Variants in MCM4 observed in about 807,000 individuals in gnomAD.
MCM4 encodes minichromosome maintenance complex component 4, also known as DNA replication licensing factor MCM4.
In MCM4, 60 loss-of-function variants were observed where a neutral mutation model predicts 88.7. The observed-to-expected ratio is 0.68, with a 90% CI of 0.55 to 0.84. MCM4 has a LOEUF of 0.84. Ranked by LOEUF, MCM4 falls within the 40% of genes least tolerant of loss-of-function variation. The pLI is 0.00. For missense variants in MCM4, 1,149 were observed against 1,105.5 expected (o/e 1.04, Z -0.56); for synonymous variants, 465 against 410.5 (o/e 1.13, Z -1.61).
chr8:47,970,731 A>G lies in MCM4; in HGVS notation c.1655A>G (p.Glu552Gly). ...GLTAYVMKDP[E>G]TRQLVLQTGA... is the part of the protein sequence containing the mutation. ...ACTGCGTACGTAATGAAAGACCCTG[A>G]GACAAGGCAGCTGGTCCTGCAGACA... Residue 552 changes from glutamate (E) to glycine (G), a missense_variant, in exon 12 of 17, where the codon GAG (glutamate) becomes GGG (glycine). By Grantham distance (98) the Glu-to-Gly change is moderately conservative (BLOSUM62 -2). Coordinates refer to ENST00000649973, the MANE Select transcript of MCM4 (RefSeq NM_182746.3). 1.2e-6 allele frequency: 2 copies of G among 1,614,214 alleles called. 1 individual carries two copies. The highest frequency in any genetic ancestry group is 2.2e-5 in the South Asian group (2 of 91,084).
chr8:47,972,297 A>AGTC (rs1372469733), intron 13 of MCM4, among the ~76,000 whole-genome samples: 1 of 151,326 alleles, frequency 6.6e-6, no homozygotes. Context: ...TCCCTAAGGG[A>AGTC]AGACTTCCTT....
intron 8 of MCM4, among the ~76,000 whole-genome samples, chr8:47,965,902 G>A (rs542119795): frequency 3.9e-5 from 6 of 152,288 alleles, no homozygotes; most frequent in African/African-American, 1.4e-4. Context: ...TCCTGACACA[G>A]CAGGGTGTCA....
intron 3 of MCM4, 117 bp downstream of exon 3, chr8:47,961,797 T>A (rs1370487012): frequency 1.2e-5 from 15 of 1,299,556 alleles, no homozygotes; most frequent in Non-Finnish European, 1.6e-5. Flanking sequence ...CCTCTGCACG[T>A]GACTGAGCAT....
chr8:47,974,166 TAACTGAGCTCC>T (rs1340804910), intron 14 of MCM4: 1 of 153,066 alleles, frequency 6.5e-6, no homozygotes, highest in East Asian at 1.9e-4. Context: ...CTTTGCATCC[TAACTGAGCTCC>T]TAAAAATTCT....
intron 11 of MCM4, 51 bp downstream of exon 11, chr8:47,970,108 A>G (rs759716567): frequency 8.4e-5 from 134 of 1,587,910 alleles, no homozygotes; most frequent in Middle Eastern, 8.4e-4. Flanking sequence ...CTTTGGGATC[A>G]AATAGTATAA....
At chr8:47,970,456 C>A in intron 11 of MCM4, 55 bp from the exon 12 acceptor site, 1 of 1,527,450 alleles carries the variant, frequency 6.5e-7, no homozygotes, top group Non-Finnish European at 8.8e-7. Flanking sequence ...GTTTAAACTA[C>A]ATCTCAGTTA....
At chr8:47,971,173 G>A (rs1309133757) in intron 12 of MCM4, among the ~76,000 whole-genome samples, 168 bp from the exon 13 acceptor site, 1 of 152,208 alleles carries the variant, frequency 6.6e-6, no homozygotes, top group Non-Finnish European at 1.5e-5. Flanking sequence ...ATGAATCTGA[G>A]GACAGGGCTT....
At chr8:47,962,463 G>A (rs1383772581) in intron 5 of MCM4, 57 bp downstream of exon 5, 6 of 1,539,188 alleles carry the variant, frequency 3.9e-6, no homozygotes, top group South Asian at 3.4e-5. Context: ...GGGAGACCGT[G>A]TTTATAATCT....
chr8:47,972,070 A>G (rs2090957698), intron 13 of MCM4, among the ~76,000 whole-genome samples: 1 of 151,684 alleles, frequency 6.6e-6, no homozygotes, highest in Admixed American at 6.6e-5. Flanking sequence ...CATCTCTACT[A>G]AAATACAAAA....
intron 15 of MCM4, chr8:47,975,178 TTTTG>T (rs1296963140): frequency 1.1e-4 from 55 of 484,400 alleles, no homozygotes; most frequent in African/African-American, 1.1e-3. Flanking sequence ...TATAGTTTTT[TTTTG>T]TTTTTTTTTT....
rs2090856994 is a variant in MCM4 at position 47,962,766 on chromosome 8, A to C, written c.504A>C (p.Arg168Ser). The change falls in exon 6 of 17, where the codon AGA (arginine) becomes AGC (serine). Residue 168 changes from arginine (R) to serine (S), a missense_variant and splice_region_variant. Around this residue, in one of 3 missense-constraint regions of MCM4, gnomAD observed 906 missense variants for 843.0 expected, o/e 1.07. Transcript: ENST00000649973. ...TACAGTTTTCTCTCCACTTAAAGAG[A>C]TTTCTTCAGCGTTTTATTGACCCTC... is the stretch of plus-strand genomic sequence containing the variant. ...NVAACKENFQ[R>S]FLQRFIDPLA... The C allele has an allele frequency of 6.3e-7, 1 of 1,594,912 alleles. No individual in the cohort carries two copies. Among genetic ancestry groups the C allele is most frequent in the Non-Finnish European group, 8.5e-7 (1 of 1,171,606 alleles).
At chr8:47,974,673 A>C in intron 14 of MCM4, 61 bp from the exon 15 acceptor site, 2 of 1,397,428 alleles carry the variant, frequency 1.4e-6, no homozygotes, top group Non-Finnish European at 2.0e-6. Context: ...AAATTCACCC[A>C]CAAAACTAAA....
chr8:47,961,324 G>A, intron 2 of MCM4, 110 bp downstream of exon 2: 5 of 1,450,344 alleles, frequency 3.4e-6, no homozygotes, highest in Non-Finnish European at 4.5e-6. Flanking sequence ...CTCAGCCTCG[G>A]GCTGGGCGCT....
intron 7 of MCM4, among the ~76,000 whole-genome samples, chr8:47,963,489 A>G (rs1262001050): frequency 6.6e-6 from 1 of 152,108 alleles, no homozygotes; most frequent in Admixed American, 6.5e-5. Context: ...CTCCTTTAAG[A>G]TGAACATTTT....
In MCM4 at chr8:47,961,569, T is replaced by G. The variant is rs1563829804; in HGVS notation, c.124T>G (p.Ser42Ala). 1 of 1,614,182 alleles carries G rather than the reference T, an allele frequency of 6.2e-7. No individual in the cohort carries two copies. The highest frequency in any genetic ancestry group is 8.5e-7 in the Non-Finnish European group (1 of 1,180,038). The stretch of plus-strand genomic sequence containing the variant: ...CTCTCAGAGACGTAGAGGCGAGGAT[T>G]CCACCTCCACGGGGGAGTTGCAGCC... ...SPSQRRRGEDSTSTGELQPMP... is the reference protein window; with the variant it reads ...SPSQRRRGEDATSTGELQPMP... Residue 42 changes from serine to alanine, a missense_variant, in exon 3 of 17, where the codon TCC becomes GCC. Physicochemically the swap from Ser to Ala is moderately conservative, Grantham distance 99. Coordinates refer to ENST00000649973, the MANE Select transcript of MCM4 (RefSeq NM_182746.3).
intron 7 of MCM4, 36 bp from the exon 8 acceptor site, chr8:47,964,538 A>G (rs1419700373): frequency 5.9e-6 from 9 of 1,521,578 alleles, no homozygotes; most frequent in African/African-American, 1.4e-5. Context: ...ACACTGAGAT[A>G]TGAATACAAA....
chr8:47,961,014 G>A lies in MCM4; in HGVS notation c.-15G>A. On this transcript the variant is annotated splice_region_variant and 5_prime_UTR_variant, in exon 1 of 17. Transcript: ENST00000649973. ...CGTCGGCAAGCGGCCGCCTTTCCAC[G>A]GTAACCGCGCGCCGGCGGGGAGGGC... 2 of 1,022,980 alleles carry A rather than the reference G, an allele frequency of 2.0e-6. No individual in the cohort carries two copies. The highest frequency in any genetic ancestry group is 6.6e-5 in the East Asian group (2 of 30,182). The allele number at this position is 1,022,980 out of a possible 1,614,324, so 63.4% of individuals were successfully genotyped here.
chr8:47,975,250 G>A (rs879721103), intron 15 of MCM4: 28 of 287,168 alleles, frequency 9.8e-5, no homozygotes, highest in Non-Finnish European at 1.5e-4. Flanking sequence ...ACATATGTAC[G>A]CATGTGCCAT....
chr8:47,963,401 C>G (rs546406787), intron 7 of MCM4, among the ~76,000 whole-genome samples: 1 of 151,876 alleles, frequency 6.6e-6, no homozygotes, highest in Non-Finnish European at 1.5e-5. Context: ...TGCAGTGAGC[C>G]GAGATGGCAC....
Sources: allele counts gnomAD v4.1 joint callset (sites outside exome capture counted in the v4.1 genomes callset), GRCh38; gene constraint gnomAD v4.1.1; regional missense constraint gnomAD v4.1.1; transcripts MANE v1.5; gene names NCBI Gene and HGNC (gene_info 2026-07-23, HGNC 2026-07-21).